The following TIMM9 variants were observed in gnomAD, a reference collection of about 807,000 sequenced individuals.
The protein encoded by TIMM9 is translocase of inner mitochondrial membrane 9.
Under a neutral mutation model 13.4 loss-of-function variants are expected in TIMM9, and 10 were observed. The observed-to-expected ratio is 0.75, with a 90% CI of 0.46 to 1.26. TIMM9 has a LOEUF of 1.26. Ranked by LOEUF, TIMM9 falls within the 50% of genes most tolerant of loss-of-function variation. The probability of loss-of-function intolerance (pLI) is 0.00; values close to 1 mark genes in which losing one functional copy is unlikely to be tolerated. For synonymous variants in TIMM9, 32 were observed against 32.1 expected, an observed-to-expected ratio of 1.00 and a Z score of 0.01; for missense variants, 87 against 100.8, an observed-to-expected ratio of 0.86 and a Z score of 0.58.
rs377630634 is a variant in TIMM9 at position 58,410,668 on chromosome 14, G to C, written c.135+175C>G. On this transcript the variant is annotated intron_variant, in intron 5 of 5. Transcript: ENST00000395159. ...TACAATGTAACTGTCATTAAATTTG[G>C]CACTGTTAAACTCAATGCCGTGGTT... 2.6e-5 allele frequency among the ~76,000 whole-genome samples: 4 copies of C among 152,312 alleles called. 1 individual carries two copies.
intron 3 of TIMM9, among the ~76,000 whole-genome samples, chr14:58,419,476 C>G (rs1247127923): frequency 2.7e-5 from 4 of 150,164 alleles, no homozygotes; most frequent in African/African-American, 9.8e-5. Context: ...CACACACACA[C>G]ACACACACAC....
At chr14:58,414,127 G>T (rs1005454493) in intron 3 of TIMM9, among the ~76,000 whole-genome samples, 1 of 147,176 alleles carries the variant, frequency 6.8e-6, no homozygotes, top group Non-Finnish European at 1.5e-5. Flanking sequence ...TAACATAAAT[G>T]CTATACATTT....
intron 3 of TIMM9, among the ~76,000 whole-genome samples, chr14:58,417,786 A>T (rs1207674894): frequency 6.6e-6 from 1 of 152,172 alleles, no homozygotes; most frequent in East Asian, 1.9e-4. Context: ...TTTAAATGAA[A>T]AGAGAAAAAA....
At chr14:58,421,938 C>A (rs181468755) in intron 3 of TIMM9, among the ~76,000 whole-genome samples, 2 of 151,984 alleles carry the variant, frequency 1.3e-5, no homozygotes, top group Admixed American at 1.3e-4. Flanking sequence ...GGACACCCAG[C>A]AAACTGGACT....
At chr14:58,410,348 T>C (rs1043736324) in intron 5 of TIMM9, among the ~76,000 whole-genome samples, 2 of 151,974 alleles carry the variant, frequency 1.3e-5, no homozygotes, top group Non-Finnish European at 2.9e-5. Flanking sequence ...GTGCTGGGAG[T>C]TCAAAGTTAC....
chr14:58,417,545 G>GGGGAGGGAGAGAGGGAAAGGAGCGT (rs2036453622), intron 3 of TIMM9, among the ~76,000 whole-genome samples: 1 of 138,078 alleles, frequency 7.2e-6, no homozygotes, highest in Non-Finnish European at 1.6e-5. Context: ...AAGGAAGAAA[G>GGGGAGGGAGAGAGGGAAAGGAGCGT]GGGAGGGAGA....
chr14:58,411,196 C>T (rs905610885), intron 4 of TIMM9, among the ~76,000 whole-genome samples: 2 of 152,032 alleles, frequency 1.3e-5, no homozygotes, highest in Admixed American at 1.3e-4. Flanking sequence ...GCCTGTAATC[C>T]CAGCACTTTG....
intron 3 of TIMM9, among the ~76,000 whole-genome samples, chr14:58,420,234 A>G (rs1481285955): frequency 5.3e-5 from 8 of 152,230 alleles, no homozygotes; most frequent in Admixed American, 5.2e-4. Context: ...TAAAAAATTA[A>G]AAACTTTTGC....
At chr14:58,409,860 G>C (rs1057428153) in intron 5 of TIMM9, among the ~76,000 whole-genome samples, 1 of 152,076 alleles carries the variant, frequency 6.6e-6, no homozygotes, top group African/African-American at 2.4e-5. Flanking sequence ...TTCCAGGCGT[G>C]AGCCACCGCG....
At chr14:58,411,037 A>G (rs972332665) in intron 4 of TIMM9, 99 bp from the exon 5 acceptor site, 24 of 772,862 alleles carry the variant, frequency 3.1e-5, no homozygotes, top group Admixed American at 3.0e-4. Flanking sequence ...AAAATATACT[A>G]TAACACTTGA....
intron 5 of TIMM9, among the ~76,000 whole-genome samples, 177 bp downstream of exon 5, chr14:58,410,666 T>G (rs2036185735): frequency 6.6e-6 from 1 of 152,258 alleles, no homozygotes; most frequent in Non-Finnish European, 1.5e-5. Context: ...TCATTAAATT[T>G]GGCACTGTTA....
chr14:58,419,338 C>G (rs2140334224), intron 3 of TIMM9, among the ~76,000 whole-genome samples: 1 of 151,792 alleles, frequency 6.6e-6, no homozygotes, highest in Non-Finnish European at 1.5e-5. Flanking sequence ...GCCTGTAGTC[C>G]CAGTTACCTG....
intron 5 of TIMM9, 31 bp downstream of exon 5, chr14:58,410,812 G>T: frequency 6.7e-7 from 1 of 1,496,692 alleles, no homozygotes; most frequent in Non-Finnish European, 9.2e-7. Context: ...ATGAAGGCTT[G>T]TAGAATTTTA....
chr14:58,424,240 G>C (rs1045523146), intron 2 of TIMM9, 145 bp from the exon 3 acceptor site: 1 of 151,846 alleles, frequency 6.6e-6, no homozygotes, highest in East Asian at 1.9e-4. Context: ...TCTATTCTGA[G>C]GTTACAATTC....
At chr14:58,409,546 A>G (rs1359119405) in intron 5 of TIMM9, among the ~76,000 whole-genome samples, 1 of 152,032 alleles carries the variant, frequency 6.6e-6, no homozygotes, top group Non-Finnish European at 1.5e-5. Context: ...AACATTCTTA[A>G]TTCTCAACCT....
chr14:58,413,576 C>T (rs937868874), intron 3 of TIMM9, among the ~76,000 whole-genome samples: 1 of 152,268 alleles, frequency 6.6e-6, no homozygotes, highest in African/African-American at 2.4e-5. Context: ...AAAAGCCTTT[C>T]TGAATTCCTG....
chr14:58,420,810 A>C (rs1487362623), intron 3 of TIMM9, among the ~76,000 whole-genome samples: 1 of 151,686 alleles, frequency 6.6e-6, no homozygotes, highest in Non-Finnish European at 1.5e-5. Flanking sequence ...AAAAAAAAAA[A>C]AAACAAGCTA....
intron 3 of TIMM9, among the ~76,000 whole-genome samples, chr14:58,417,895 T>C (rs2036467357): frequency 6.6e-6 from 1 of 152,034 alleles, no homozygotes; most frequent in African/African-American, 2.4e-5. Context: ...GGGTGTACAT[T>C]ACTACAGGTT....
chr14:58,415,740 T>C (rs1056889538), intron 3 of TIMM9, among the ~76,000 whole-genome samples: 8 of 152,032 alleles, frequency 5.3e-5, no homozygotes, highest in Non-Finnish European at 1.2e-4. Flanking sequence ...TTTTGTCTCA[T>C]TAGAGTCCAA....
Sources: gnomAD v4.1 joint callset for allele counts (sites outside exome capture counted in the v4.1 genomes callset) on GRCh38, gnomAD v4.1.1 for gene constraint, MANE v1.5 for transcripts, NCBI Gene and HGNC (gene_info 2026-07-23, HGNC 2026-07-21) for gene names.